The following CDH18 variants were observed in gnomAD, a reference collection of about 807,000 sequenced individuals.
The protein encoded by CDH18 is cadherin-18.
CDH18 carries 31 observed loss-of-function variants against 67.9 expected under a neutral mutation model. That is an observed-to-expected ratio of 0.46 (90% CI 0.34 to 0.62). CDH18 has a LOEUF of 0.62. Ranked by LOEUF, CDH18 falls within the 20% of genes least tolerant of loss-of-function variation. The probability of loss-of-function intolerance (pLI) is 0.01; values close to 1 mark genes in which losing one functional copy is unlikely to be tolerated. For synonymous variants in CDH18, 362 were observed against 347.2 expected (o/e 1.04, Z -0.48); for missense variants, 890 against 975.5 (o/e 0.91, Z 1.17).
At chr5:19,889,189 T>C (rs1788534192) in intron 2 of CDH18, among the ~76,000 whole-genome samples, 1 of 152,116 alleles carries the variant, frequency 6.6e-6, no homozygotes, top group Non-Finnish European at 1.5e-5. Flanking sequence ...TCTTTTTGAA[T>C]ATTTTCTATG....
At chr5:20,018,464 C>T (rs1356066830) in intron 2 of CDH18, among the ~76,000 whole-genome samples, 1 of 152,170 alleles carries the variant, frequency 6.6e-6, no homozygotes, top group African/African-American at 2.4e-5. Context: ...AGAACCTTCC[C>T]TCATTGAGCT....
chr5:19,789,170 T>A (rs933301265), intron 3 of CDH18, among the ~76,000 whole-genome samples: 6 of 152,220 alleles, frequency 3.9e-5, no homozygotes, highest in African/African-American at 1.4e-4. Flanking sequence ...ATTAATCTCC[T>A]AGGGCTGTGA....
intron 1 of CDH18, among the ~76,000 whole-genome samples, chr5:20,281,019 C>T (rs1387324307): frequency 6.6e-6 from 1 of 152,176 alleles, no homozygotes; most frequent in Non-Finnish European, 1.5e-5. Context: ...TGAGAAGTGT[C>T]TGTTCCTATC....
chr5:20,382,589 T>A (rs1743997263), intron 1 of CDH18, among the ~76,000 whole-genome samples: 2 of 151,920 alleles, frequency 1.3e-5, no homozygotes, highest in South Asian at 4.1e-4. Context: ...TAGAAGGAAA[T>A]GGGTAAGAAA....
intron 1 of CDH18, among the ~76,000 whole-genome samples, chr5:20,418,152 C>G (rs527491164): frequency 6.6e-6 from 1 of 151,222 alleles, no homozygotes; most frequent in East Asian, 1.9e-4. Context: ...CTTGGCTCAC[C>G]GCAACCTCCG....
intron 2 of CDH18, among the ~76,000 whole-genome samples, chr5:20,169,202 G>A (rs932708813): frequency 1.3e-5 from 2 of 151,938 alleles, no homozygotes; most frequent in Non-Finnish European, 2.9e-5. Context: ...TCCATGATCT[G>A]ATTATTTCAT....
At chr5:20,117,312 T>C (rs1398467038) in intron 2 of CDH18, among the ~76,000 whole-genome samples, 2 of 152,162 alleles carry the variant, frequency 1.3e-5, no homozygotes, top group Non-Finnish European at 2.9e-5. Flanking sequence ...TTTTTTGTAT[T>C]GATAAACAAA....
intron 6 of CDH18, among the ~76,000 whole-genome samples, chr5:19,611,731 T>C (rs1200387149): frequency 6.6e-6 from 1 of 152,174 alleles, no homozygotes; most frequent in Non-Finnish European, 1.5e-5. Flanking sequence ...AAATGTTATC[T>C]ATAGTATCTT....
intron 2 of CDH18, among the ~76,000 whole-genome samples, chr5:20,245,204 A>C (rs1743284834): frequency 6.6e-6 from 1 of 152,138 alleles, no homozygotes; most frequent in Non-Finnish European, 1.5e-5. Context: ...AACAATCTGG[A>C]TACACCATTT....
intron 2 of CDH18, among the ~76,000 whole-genome samples, chr5:20,079,718 C>A (rs1744281363): frequency 6.6e-6 from 1 of 152,102 alleles, no homozygotes; most frequent in South Asian, 2.1e-4. Context: ...GTCAAGAGTA[C>A]TATCTCAGTC....
At chr5:19,793,252 C>T (rs748728302) in intron 3 of CDH18, among the ~76,000 whole-genome samples, 26 of 152,126 alleles carry the variant, frequency 1.7e-4, no homozygotes, top group Non-Finnish European at 3.8e-4. Flanking sequence ...AAATATTTCA[C>T]TTATTACCCA....
intron 5 of CDH18, among the ~76,000 whole-genome samples, chr5:19,651,399 T>C (rs1202327069): frequency 3.9e-5 from 6 of 152,106 alleles, no homozygotes; most frequent in Non-Finnish European, 8.8e-5. Context: ...TACGTAGTTC[T>C]GAAACATTAT....
At chr5:19,568,352 T>G (rs553831928) in intron 8 of CDH18, among the ~76,000 whole-genome samples, 1 of 152,254 alleles carries the variant, frequency 6.6e-6, no homozygotes, top group East Asian at 1.9e-4. Context: ...CATGAATGGA[T>G]TAGTGCCTTT....
At chr5:20,362,557 G>T (rs1742168680) in intron 1 of CDH18, among the ~76,000 whole-genome samples, 1 of 152,018 alleles carries the variant, frequency 6.6e-6, no homozygotes, top group South Asian at 2.1e-4. Flanking sequence ...CTTCTACTTG[G>T]CTTTGGAAGT....
In CDH18 at chr5:20,172,198, A is replaced by ATATG. The variant is rs1554098672; in HGVS notation, c.-518+83245_-518+83246insCATA. Among the ~76,000 whole-genome samples the ATATG allele has an allele frequency of 1.6e-3, 73 of 46,476 alleles. 5 individuals carry two copies. Among genetic ancestry groups the ATATG allele is most frequent in the Non-Finnish European group, 2.5e-3 (63 of 25,686 alleles). The allele number at this position is 46,476 out of a possible 152,430, so 30.5% of individuals were successfully genotyped here. On this transcript the variant is annotated intron_variant, in intron 2 of 14. Transcript: ENST00000507958. ...TATCAATAGCATTGTGTGTATATAT[A>ATATG]TATATATATATATATATATATATAT...
chr5:19,537,296 T>C (rs1046400852), intron 9 of CDH18, among the ~76,000 whole-genome samples: 3 of 151,938 alleles, frequency 2.0e-5, no homozygotes, highest in African/African-American at 7.3e-5. Context: ...GGATACAGAG[T>C]CTGCAGATTT....
intron 3 of CDH18, among the ~76,000 whole-genome samples, chr5:19,757,796 C>A (rs1194869331): frequency 2.0e-5 from 3 of 152,230 alleles, no homozygotes; most frequent in Non-Finnish European, 4.4e-5. Flanking sequence ...AGTAGATAAT[C>A]ACACATCTGG....
rs1332287807 is a variant in CDH18 at position 19,471,527 on chromosome 5, T to G, written c.*1699A>C. ...TAAATTTAAAGAGCAAAGGAAAAACTCCGGTGTCAACTAATTCCTATTTCA... is the reference window on the plus strand; with the variant it reads ...TAAATTTAAAGAGCAAAGGAAAAACGCCGGTGTCAACTAATTCCTATTTCA... On this transcript the variant is annotated 3_prime_UTR_variant, in exon 13 of 13. Transcript: ENST00000382275. Among the ~76,000 whole-genome samples, 1 of 152,022 alleles carries G rather than the reference T, an allele frequency of 6.6e-6. No individual in the cohort carries two copies. Among genetic ancestry groups the G allele is most frequent in the East Asian group, 1.9e-4 (1 of 5,174 alleles).
intron 1 of CDH18, among the ~76,000 whole-genome samples, chr5:20,412,155 A>G (rs1746841424): frequency 6.6e-6 from 1 of 152,148 alleles, no homozygotes; most frequent in South Asian, 2.1e-4. Flanking sequence ...ATAGTAACCA[A>G]AACAACATGG....
Sources: allele counts gnomAD v4.1 joint callset (sites outside exome capture counted in the v4.1 genomes callset), GRCh38; gene constraint gnomAD v4.1.1; transcripts MANE v1.5; gene names NCBI Gene and HGNC (gene_info 2026-07-23, HGNC 2026-07-21).